Variants in GALNT18 observed in about 807,000 individuals in gnomAD.
GALNT18 encodes GalNAc-transferase 18.
GALNT18 carries 44 observed loss-of-function variants against 69.5 expected under a neutral mutation model. The ratio of observed to expected loss-of-function variants is 0.63; its 90% CI spans 0.50 to 0.81. GALNT18 has a LOEUF of 0.81. Among genes scored for constraint, GALNT18 ranks in the 40% least tolerant of loss-of-function variants. The probability of loss-of-function intolerance (pLI) is 0.00; values close to 1 mark genes in which losing one functional copy is unlikely to be tolerated. For missense variants in GALNT18, 715 were observed against 810.0 expected, an observed-to-expected ratio of 0.88 and a Z score of 1.42; for synonymous variants, 364 against 318.2, an observed-to-expected ratio of 1.14 and a Z score of -1.53.
In GALNT18 at chr11:11,300,275, T is replaced by C. The variant is rs1849470868; in HGVS notation, c.1513-7082A>G. Among the ~76,000 whole-genome samples, 3 of 152,194 alleles carry C rather than the reference T, an allele frequency of 2.0e-5. No individual in the cohort carries two copies. The South Asian group carries it at 6.2e-4, about 32-fold the overall frequency. On this transcript the variant is annotated intron_variant, in intron 9 of 10. Transcript: ENST00000227756. The stretch of plus-strand genomic sequence containing the variant: ...TTTGGGGCATTTAGACTCTCCCTGC[T>C]GAGCCTCCTGCATGGGGCAGCAGTG...
Position 11,595,795 on chromosome 11 carries a change from G to T in GALNT18, c.235+25564C>A, listed in dbSNP as rs541623708. Among the ~76,000 whole-genome samples, 27 of 152,252 alleles carry T rather than the reference G, an allele frequency of 1.8e-4. No individual in the cohort carries two copies. The highest frequency in any genetic ancestry group is 3.4e-3 in the Middle Eastern group (1 of 294). ...AATTCTGGATATTAACCCCTTACCA[G>T]ATAAATGACTCCCAAATATTTTCCC... On this transcript the variant is annotated intron_variant, in intron 1 of 10. Transcript: ENST00000227756. The surrounding 1 kb of genome is among the most constrained non-coding windows in gnomAD (Gnocchi z 5.2).
chr11:11,441,661 T>C (rs1329576864), intron 2 of GALNT18, among the ~76,000 whole-genome samples: 2 of 152,186 alleles, frequency 1.3e-5, no homozygotes, highest in Non-Finnish European at 2.9e-5. Context: ...ATGTTAAGCA[T>C]TTGTACAGAA....
At chr11:11,481,999 T>C (rs1258082341) in intron 1 of GALNT18, among the ~76,000 whole-genome samples, 1 of 152,336 alleles carries the variant, frequency 6.6e-6, no homozygotes, top group East Asian at 1.9e-4. Flanking sequence ...TACATCCCTC[T>C]TTGCTCCCCT....
chr11:11,604,855 T>C lies in GALNT18; in HGVS notation c.235+16504A>G, dbSNP rs1286481450. Among the ~76,000 whole-genome samples the C allele has an allele frequency of 1.3e-5, 2 of 152,108 alleles. No individual in the cohort carries two copies. The highest frequency in any genetic ancestry group is 6.6e-5 in the Admixed American group (1 of 15,264). On this transcript the variant is annotated intron_variant, in intron 1 of 10. Transcript: ENST00000227756. The surrounding 1 kb of genome is among the most constrained non-coding windows in gnomAD (Gnocchi z 5.6). The stretch of plus-strand genomic sequence containing the variant: ...CACTGGTCCCCCACACCCCAAAGGC[T>C]ACACAATCTGTTTGAAATGAAAAGG...
rs113781270 is a variant in GALNT18 at position 11,598,325 on chromosome 11, T to C, written c.235+23034A>G. On this transcript the variant is annotated intron_variant, in intron 1 of 10. Transcript: ENST00000227756. This position sits in a 1 kb window ranked among gnomAD's most constrained non-coding sequence, Gnocchi z 4.8. The stretch of plus-strand genomic sequence containing the variant: ...ATTCTGGAGGCCAGAAGTCCAAAAT[T>C]AGTCTTACTCGAGGCAAAATCAAGG... 0.012 allele frequency among the ~76,000 whole-genome samples: 1,894 copies of C among 152,284 alleles called. 47 individuals carry two copies. Among genetic ancestry groups the C allele is most frequent in the African/African-American group, 0.044 (1,813 of 41,564 alleles).
intron 1 of GALNT18, among the ~76,000 whole-genome samples, chr11:11,466,634 A>G (rs933782971): frequency 3.3e-5 from 5 of 152,202 alleles, no homozygotes; most frequent in African/African-American, 1.2e-4. Flanking sequence ...GATTTTGCAT[A>G]AGAAACCCTT....
At position 11,271,266 on chromosome 11, in the gene GALNT18, A is replaced by T; in HGVS notation, c.1702T>A (p.Ser568Thr). Residue 568 changes from serine (S) to threonine (T), a missense_variant, in exon 11 of 11, where the codon TCT becomes ACT. Physicochemically the swap from Ser to Thr is moderately conservative, Grantham distance 58 (BLOSUM62 1). Coordinates refer to ENST00000227756, the MANE Select transcript of GALNT18 (RefSeq NM_198516.3). ...TCCTGCAGCTCCAGACAGCGCTTAGACTTGCGGTTCTGGATGGGTCCTCCC... is the reference window on the plus strand; with the variant it reads ...TCCTGCAGCTCCAGACAGCGCTTAGTCTTGCGGTTCTGGATGGGTCCTCCC... ...SQGGPIQNRK[S>T]KRCLELQENS... 6.2e-7 allele frequency: 1 copy of T among 1,614,038 alleles called. No homozygotes were observed.
intron 1 of GALNT18, among the ~76,000 whole-genome samples, chr11:11,517,944 T>C (rs1857317608): frequency 6.6e-6 from 1 of 152,184 alleles, no homozygotes; most frequent in African/African-American, 2.4e-5. Flanking sequence ...GCCATAATGG[T>C]GCATTGTAAG....
At position 11,415,516 on chromosome 11, in the gene GALNT18, G is replaced by A. The variant is rs1051554565; in HGVS notation, c.595+17105C>T. Among the ~76,000 whole-genome samples the A allele has an allele frequency of 3.3e-5, 5 of 152,188 alleles. No individual in the cohort carries two copies. In the East Asian group the frequency reaches 9.7e-4, roughly 29 times the overall value. Reference sequence around the variant, plus strand: ...AAATACATAAGTAAAAACAAAAAGAGTCTAGTGGGAAATATGAGAAAGGAG... The same window carrying A: ...AAATACATAAGTAAAAACAAAAAGAATCTAGTGGGAAATATGAGAAAGGAG... On this transcript the variant is annotated intron_variant, in intron 3 of 10. Transcript: ENST00000227756. This position sits in a 1 kb window ranked among gnomAD's most constrained non-coding sequence, Gnocchi z 4.1.
chr11:11,507,958 C>T (rs1218188514), intron 1 of GALNT18, among the ~76,000 whole-genome samples: 1 of 152,204 alleles, frequency 6.6e-6, no homozygotes, highest in Non-Finnish European at 1.5e-5. Context: ...TACCTTCGAC[C>T]ACAGACTGAA....
At chr11:11,272,992 ATG>A (rs1848859568) in intron 10 of GALNT18, among the ~76,000 whole-genome samples, 1 of 148,502 alleles carries the variant, frequency 6.7e-6, no homozygotes, top group Non-Finnish European at 1.5e-5. Context: ...ATGCAAAAGA[ATG>A]AAACTAGAGC....
chr11:11,558,546 G>C, intron 1 of GALNT18, among the ~76,000 whole-genome samples: 1 of 152,228 alleles, frequency 6.6e-6, no homozygotes, highest in East Asian at 1.9e-4. Context: ...CACAGGAATA[G>C]CCCTGCTTCA....
intron 2 of GALNT18, among the ~76,000 whole-genome samples, chr11:11,438,822 A>G (rs1855468178): frequency 2.8e-5 from 3 of 107,820 alleles, no homozygotes; most frequent in Non-Finnish European, 7.0e-5. Context: ...GCAGGACAAC[A>G]TGGACAAATA....
chr11:11,537,462 A>T (rs1857807839), intron 1 of GALNT18, among the ~76,000 whole-genome samples: 1 of 152,214 alleles, frequency 6.6e-6, no homozygotes, highest in Non-Finnish European at 1.5e-5. Flanking sequence ...AAGATTTTGT[A>T]GGTCTGCATG....
rs553624636 is a variant in GALNT18 at position 11,562,471 on chromosome 11, G to T, written c.235+58888C>A. Among the ~76,000 whole-genome samples the T allele has an allele frequency of 2.6e-5, 4 of 152,082 alleles. No homozygotes were observed. The highest frequency in any genetic ancestry group is 4.4e-5 in the Non-Finnish European group (3 of 68,000). On this transcript the variant is annotated intron_variant, in intron 1 of 10. Transcript: ENST00000227756. The surrounding 1 kb of genome is among the most constrained non-coding windows in gnomAD (Gnocchi z 4.1). ...TTAGGGGTGAGGACTCCAAAATATT[G>T]TTTTAGGGGAGACATGATTCAACCC...
At chr11:11,410,184 T>C (rs1854695328) in intron 3 of GALNT18, among the ~76,000 whole-genome samples, 1 of 152,212 alleles carries the variant, frequency 6.6e-6, no homozygotes, top group African/African-American at 2.4e-5. Flanking sequence ...CCTGTTTCCC[T>C]GTGTCCTCTC....
chr11:11,495,254 T>C (rs1411999682), intron 1 of GALNT18, among the ~76,000 whole-genome samples: 1 of 152,144 alleles, frequency 6.6e-6, no homozygotes, highest in African/African-American at 2.4e-5. Context: ...TTTTGCATGG[T>C]GTATACAGGA....
intron 1 of GALNT18, among the ~76,000 whole-genome samples, chr11:11,515,878 G>A (rs986421489): frequency 6.6e-6 from 1 of 152,254 alleles, no homozygotes; most frequent in African/African-American, 2.4e-5. Flanking sequence ...GAGAGAGGTA[G>A]TGGGAGGAGA....
intron 8 of GALNT18, among the ~76,000 whole-genome samples, chr11:11,330,118 C>T (rs1590041139): frequency 6.6e-6 from 1 of 152,136 alleles, no homozygotes; most frequent in Admixed American, 6.5e-5. Flanking sequence ...TATGCCCACA[C>T]GATGGGGCCC....
Sources: gnomAD v4.1 joint callset for allele counts (sites outside exome capture counted in the v4.1 genomes callset) on GRCh38, gnomAD v4.1.1 for gene constraint, Gnocchi (gnomAD v3.1) non-coding constraint, MANE v1.5 for transcripts, NCBI Gene and HGNC (gene_info 2026-07-23, HGNC 2026-07-21) for gene names.